LRRC4C: variants seen among roughly 807,000 people sequenced by gnomAD.
LRRC4C encodes the protein leucine rich repeat containing 4C.
A neutral mutation model predicts 33.6 loss-of-function variants in LRRC4C; 5 were observed. The ratio of observed to expected loss-of-function variants is 0.15; its 90% CI spans 0.08 to 0.31. The LOEUF (loss-of-function observed/expected upper bound fraction) is 0.31, where lower values mean the gene tolerates loss of function less well. Among genes scored for constraint, LRRC4C ranks in the 10% least tolerant of loss-of-function variants. The pLI, the probability that LRRC4C is intolerant of heterozygous loss-of-function variation, is 1.00. For synonymous variants in LRRC4C, 329 were observed against 302.0 expected (o/e 1.09, Z -0.93); for missense variants, 560 against 796.7 (o/e 0.70, Z 3.58).
At chr11:41,213,541 G>C (rs190289798) in intron 1 of LRRC4C, among the ~76,000 whole-genome samples, 5 of 152,298 alleles carry the variant, frequency 3.3e-5, no homozygotes, top group Admixed American at 2.6e-4. Flanking sequence ...ACCACATAGT[G>C]AATGGGTCAC....
intron 5 of LRRC4C, among the ~76,000 whole-genome samples, chr11:40,217,756 C>T (rs1043777174): frequency 2.0e-5 from 3 of 152,060 alleles, no homozygotes; most frequent in Non-Finnish European, 4.4e-5. Flanking sequence ...ATTAATAGTG[C>T]CTTTTCTCAT....
intron 1 of LRRC4C, among the ~76,000 whole-genome samples, chr11:41,086,866 C>T (rs1306919102): frequency 2.7e-5 from 4 of 149,826 alleles, no homozygotes; most frequent in Admixed American, 6.6e-5. Context: ...ATTAATAAGT[C>T]TGCAGGGAAA....
At chr11:41,021,830 AT>A (rs1856004808) in intron 1 of LRRC4C, among the ~76,000 whole-genome samples, 1 of 152,008 alleles carries the variant, frequency 6.6e-6, no homozygotes, top group Admixed American at 6.6e-5. Context: ...AAGGTGTCAT[AT>A]CGTCATTATG....
In LRRC4C at chr11:41,448,123, T is replaced by G. The variant is rs112516966; in HGVS notation, c.-496+11308A>C. ...CAAACGAGGCTGCTGCACACGTCTGTTTTTTTTTTTTTTTTTTTTGGAGCT... is the reference window on the plus strand; with the variant it reads ...CAAACGAGGCTGCTGCACACGTCTGGTTTTTTTTTTTTTTTTTTTGGAGCT... On this transcript the variant is annotated intron_variant, in intron 1 of 6. Coordinates refer to ENST00000528697, the MANE Select transcript of LRRC4C (RefSeq NM_001258419.2). 8.4e-3 allele frequency among the ~76,000 whole-genome samples: 621 copies of G among 73,782 alleles called. 10 individuals are homozygous for G. Among genetic ancestry groups the G allele is most frequent in the Non-Finnish European group, 0.01 (394 of 39,320 alleles). The allele number at this position is 73,782 out of a possible 152,430, so 48.4% of individuals were successfully genotyped here.
At chr11:41,401,627 T>C (rs1168862053) in intron 1 of LRRC4C, among the ~76,000 whole-genome samples, 3 of 151,908 alleles carry the variant, frequency 2.0e-5, no homozygotes, top group Non-Finnish European at 4.4e-5. Flanking sequence ...TAATAAATAA[T>C]GTTTAACCGG....
At chr11:40,911,297 A>G (rs936544869) in intron 2 of LRRC4C, among the ~76,000 whole-genome samples, 1 of 152,166 alleles carries the variant, frequency 6.6e-6, no homozygotes. Flanking sequence ...GGCACCCCCG[A>G]GTAGGGGCAG....
At chr11:40,246,687 T>C (rs1262983638) in intron 4 of LRRC4C, among the ~76,000 whole-genome samples, 1 of 152,196 alleles carries the variant, frequency 6.6e-6, no homozygotes, top group African/African-American at 2.4e-5. Flanking sequence ...AATCATTCTA[T>C]ACCCATGAGG....
intron 3 of LRRC4C, among the ~76,000 whole-genome samples, chr11:40,560,394 T>C (rs1384835536): frequency 6.6e-6 from 1 of 151,956 alleles, no homozygotes; most frequent in East Asian, 1.9e-4. Flanking sequence ...CAACAACGAA[T>C]TAGGTAGATC....
chr11:40,415,804 G>C (rs1950304581), intron 3 of LRRC4C, among the ~76,000 whole-genome samples: 1 of 152,110 alleles, frequency 6.6e-6, no homozygotes, highest in Non-Finnish European at 1.5e-5. Flanking sequence ...AAGGCTGAAA[G>C]TAGAGAGTGT....
intron 1 of LRRC4C, among the ~76,000 whole-genome samples, chr11:41,317,850 T>A (rs922357598): frequency 1.3e-5 from 2 of 152,142 alleles, no homozygotes; most frequent in African/African-American, 4.8e-5. Flanking sequence ...ATTAGCATTT[T>A]GAAATGGTAA....
intron 3 of LRRC4C, among the ~76,000 whole-genome samples, chr11:40,353,223 T>G (rs1302810699): frequency 6.6e-6 from 1 of 152,142 alleles, no homozygotes; most frequent in Non-Finnish European, 1.5e-5. Context: ...ATTTGCCTTT[T>G]TAGATTATTT....
intron 5 of LRRC4C, among the ~76,000 whole-genome samples, chr11:40,208,657 T>C (rs1216854150): frequency 6.6e-6 from 1 of 152,190 alleles, no homozygotes; most frequent in African/African-American, 2.4e-5. Flanking sequence ...TATTCATTTA[T>C]TTTGCTGCAT....
Position 41,374,242 on chromosome 11 carries a change from C to A in LRRC4C, c.-496+85189G>T, listed in dbSNP as rs147591161. On this transcript the variant is annotated intron_variant, in intron 1 of 6. Transcript: ENST00000528697. ...TATTTTCTACTATCTTATCCTTTACCTGAGAAATACTCAGTATCACCAAGT... is the reference window on the plus strand; with the variant it reads ...TATTTTCTACTATCTTATCCTTTACATGAGAAATACTCAGTATCACCAAGT... Among the ~76,000 whole-genome samples, 635 of 152,170 alleles carry A rather than the reference C, an allele frequency of 4.2e-3. 2 individuals carry two copies. Among genetic ancestry groups the A allele is most frequent in the African/African-American group, 0.013 (548 of 41,500 alleles).
At chr11:41,036,077 TA>T (rs5791413) in intron 1 of LRRC4C, among the ~76,000 whole-genome samples, 94,841 of 150,530 alleles carry the variant, frequency 0.63, 30,000 homozygotes, top group South Asian at 0.73. Context: ...GTTGTTTTTC[TA>T]AAAAAAAAAC....
chr11:40,674,291 G>A (rs1232176040), intron 2 of LRRC4C, among the ~76,000 whole-genome samples: 2 of 152,164 alleles, frequency 1.3e-5, no homozygotes, highest in African/African-American at 2.4e-5. Flanking sequence ...TTGGCATTTG[G>A]CAGCTCCGTT....
At chr11:40,789,440 TAATAA>T (rs1950544487) in intron 2 of LRRC4C, among the ~76,000 whole-genome samples, 1 of 152,152 alleles carries the variant, frequency 6.6e-6, no homozygotes, top group African/African-American at 2.4e-5. Flanking sequence ...ACATTTGGCA[TAATAA>T]AATTAAAAAA....
intron 1 of LRRC4C, among the ~76,000 whole-genome samples, chr11:41,022,715 A>G (rs1429269229): frequency 6.6e-6 from 1 of 152,054 alleles, no homozygotes; most frequent in African/African-American, 2.4e-5. Context: ...TTTCAAATTT[A>G]GGAAAAGAAT....
At chr11:40,574,876 C>T (rs564873286) in intron 3 of LRRC4C, among the ~76,000 whole-genome samples, 2 of 152,160 alleles carry the variant, frequency 1.3e-5, no homozygotes, top group Non-Finnish European at 2.9e-5. Flanking sequence ...GATATGAGCA[C>T]ATAGTAGTGA....
At chr11:40,771,946 ATCT>A (rs1284662558) in intron 2 of LRRC4C, among the ~76,000 whole-genome samples, 2 of 152,060 alleles carry the variant, frequency 1.3e-5, no homozygotes, top group Non-Finnish European at 2.9e-5. Context: ...ACATTTTTCT[ATCT>A]TCTTCTGAGC....
Sources: gnomAD v4.1 joint callset for allele counts (sites outside exome capture counted in the v4.1 genomes callset) on GRCh38, gnomAD v4.1.1 for gene constraint, MANE v1.5 for transcripts, NCBI Gene and HGNC (gene_info 2026-07-23, HGNC 2026-07-21) for gene names.